Variants in CPED1 observed in about 807,000 individuals in gnomAD.
CPED1 encodes the protein cadherin like and PC-esterase domain containing 1.
In CPED1, 114 loss-of-function variants were observed where a neutral mutation model predicts 128.2. That is an observed-to-expected ratio of 0.89 (90% CI 0.76 to 1.04). The LOEUF (loss-of-function observed/expected upper bound fraction) is 1.04, where lower values mean the gene tolerates loss of function less well. CPED1 is among the 50% of genes least tolerant of loss of function. CPED1 has a pLI of 0.00. For missense variants in CPED1, 1,211 were observed against 1,207.1 expected, an observed-to-expected ratio of 1.00 and a Z score of -0.05; for synonymous variants, 462 against 426.7, an observed-to-expected ratio of 1.08 and a Z score of -1.02.
chr7:121,256,384 G>A (rs910976878), intron 18 of CPED1, among the ~76,000 whole-genome samples: 1 of 152,040 alleles, frequency 6.6e-6, no homozygotes, highest in African/African-American at 2.4e-5. Context: ...GACATATGCA[G>A]AAGAATGAAA....
chr7:121,255,027 A>C (rs1339078350), intron 18 of CPED1, among the ~76,000 whole-genome samples: 1 of 152,022 alleles, frequency 6.6e-6, no homozygotes, highest in Non-Finnish European at 1.5e-5. Context: ...CCAAAAAATC[A>C]AAGAGGAGGG....
chr7:121,151,063 T>C (rs1796148498), intron 16 of CPED1, among the ~76,000 whole-genome samples: 1 of 152,110 alleles, frequency 6.6e-6, no homozygotes, highest in Admixed American at 6.6e-5. Context: ...AGTGGCTGGC[T>C]GATGTATTTT....
intron 22 of CPED1, among the ~76,000 whole-genome samples, chr7:121,285,478 A>G (rs1483851772): frequency 6.6e-6 from 1 of 152,070 alleles, no homozygotes; most frequent in African/African-American, 2.4e-5. Flanking sequence ...TCAGCTGCAA[A>G]TTTTTTAAAC....
chr7:121,033,396 C>T (rs1383241768), intron 3 of CPED1, among the ~76,000 whole-genome samples: 3 of 152,160 alleles, frequency 2.0e-5, no homozygotes, highest in Admixed American at 6.5e-5. Context: ...AAGTTCATCA[C>T]CTAGATGTCG....
At chr7:121,261,562 A>G (rs972031125) in intron 18 of CPED1, 25 of 1,564,126 alleles carry the variant, frequency 1.6e-5, no homozygotes, top group Non-Finnish European at 2.0e-5. Flanking sequence ...GAATATGATC[A>G]GGAATGATGT....
intron 2 of CPED1, chr7:120,993,971 G>T (rs747859611): frequency 3.0e-6 from 1 of 330,216 alleles, no homozygotes; most frequent in Non-Finnish European, 6.4e-6. Flanking sequence ...TCCTGCAGGT[G>T]CAAAGGTGAA....
chr7:121,223,213 T>G (rs1358446045), intron 16 of CPED1, among the ~76,000 whole-genome samples: 1 of 152,172 alleles, frequency 6.6e-6, no homozygotes, highest in East Asian at 1.9e-4. Context: ...ATTGAAATAA[T>G]CATATGTGTT....
At chr7:121,019,307 G>A (rs563477270) in intron 3 of CPED1, among the ~76,000 whole-genome samples, 5 of 151,990 alleles carry the variant, frequency 3.3e-5, no homozygotes, top group East Asian at 3.9e-4. Context: ...TCTGTTAAAG[G>A]CATTAATTGT....
rs143728915 is a variant in CPED1 at position 121,190,503 on chromosome 7, T to G, written c.2056-46211T>G. Reference sequence around the variant, plus strand: ...GATTTAGTTTTTAAAAAGATATGTCTGAATATTTTAAGGTGGATAAGACCA... The same window carrying G: ...GATTTAGTTTTTAAAAAGATATGTCGGAATATTTTAAGGTGGATAAGACCA... On this transcript the variant is annotated intron_variant, in intron 16 of 22. Coordinates refer to ENST00000310396, the MANE Select transcript of CPED1 (RefSeq NM_024913.5). Among the ~76,000 whole-genome samples, 1,496 of 152,054 alleles carry G rather than the reference T, an allele frequency of 9.8e-3. 17 individuals are homozygous for G. Among genetic ancestry groups the G allele is most frequent in the African/African-American group, 0.033 (1,350 of 41,474 alleles).
At chr7:121,262,465 T>C (rs1286386599) in intron 18 of CPED1, among the ~76,000 whole-genome samples, 1 of 152,064 alleles carries the variant, frequency 6.6e-6, no homozygotes, top group Non-Finnish European at 1.5e-5. Flanking sequence ...TACTCTGTGG[T>C]AGCTCACACT....
chr7:121,212,222 A>G (rs1364263132), intron 16 of CPED1, among the ~76,000 whole-genome samples: 3 of 152,054 alleles, frequency 2.0e-5, no homozygotes, highest in Non-Finnish European at 2.9e-5. Context: ...ATGCAACTAG[A>G]CAAAACCCAT....
intron 5 of CPED1, among the ~76,000 whole-genome samples, chr7:121,074,227 TA>T (rs1229069778): frequency 2.6e-5 from 4 of 152,140 alleles, no homozygotes; most frequent in Non-Finnish European, 4.4e-5. Context: ...AAAAGAACTT[TA>T]AAAGCAGTCT....
chr7:121,182,831 A>C (rs1205252317), intron 16 of CPED1, among the ~76,000 whole-genome samples: 1 of 152,086 alleles, frequency 6.6e-6, no homozygotes, highest in East Asian at 1.9e-4. Flanking sequence ...CATTAATTAG[A>C]TAAGACAAGC....
chr7:121,242,990 A>T (rs918092034), intron 17 of CPED1, among the ~76,000 whole-genome samples: 2 of 152,182 alleles, frequency 1.3e-5, no homozygotes, highest in African/African-American at 4.8e-5. Flanking sequence ...TCATGAATAT[A>T]AAATGCACTA....
chr7:121,284,795 G>A (rs1792533015), intron 22 of CPED1, among the ~76,000 whole-genome samples: 1 of 152,232 alleles, frequency 6.6e-6, no homozygotes, highest in African/African-American at 2.4e-5. Flanking sequence ...CTCCCTCCCA[G>A]CTGCTTTTAC....
At chr7:121,198,242 AC>A (rs1489806089) in intron 16 of CPED1, among the ~76,000 whole-genome samples, 1 of 152,168 alleles carries the variant, frequency 6.6e-6, no homozygotes, top group African/African-American at 2.4e-5. Flanking sequence ...ATGTTATTGA[AC>A]CAAACTGACA....
chr7:121,213,310 C>A (rs997964571), intron 16 of CPED1, among the ~76,000 whole-genome samples: 6 of 151,964 alleles, frequency 3.9e-5, no homozygotes, highest in Admixed American at 2.6e-4. Context: ...ACTTTCCAAA[C>A]CTTTGTTTCC....
chr7:121,275,733 G>T (rs1166468470), intron 22 of CPED1, among the ~76,000 whole-genome samples: 1 of 152,040 alleles, frequency 6.6e-6, no homozygotes, highest in East Asian at 1.9e-4. Flanking sequence ...AAGAAGAAAA[G>T]AAGGGAGTTT....
intron 18 of CPED1, chr7:121,261,760 T>C: frequency 6.4e-7 from 1 of 1,554,514 alleles, no homozygotes; most frequent in East Asian, 2.4e-5. Flanking sequence ...CTGGACTATT[T>C]TTCTGAGAGA....
Sources: allele counts gnomAD v4.1 joint callset (sites outside exome capture counted in the v4.1 genomes callset), GRCh38; gene constraint gnomAD v4.1.1; transcripts MANE v1.5; gene names NCBI Gene and HGNC (gene_info 2026-07-23, HGNC 2026-07-21).